The following GCKR variants were observed in gnomAD, a reference collection of about 807,000 sequenced individuals.
GCKR encodes the protein glucokinase regulator, also known as glucokinase regulatory protein.
Under a neutral mutation model 82.9 loss-of-function variants are expected in GCKR, and 73 were observed. That is an observed-to-expected ratio of 0.88 (90% confidence interval 0.73 to 1.07). The LOEUF (loss-of-function observed/expected upper bound fraction) is 1.07. Among genes scored for constraint, GCKR ranks in the 50% least tolerant of loss-of-function variants. The pLI is 0.00. For synonymous variants in GCKR, 294 were observed against 291.8 expected (o/e 1.01, Z -0.08); for missense variants, 784 against 782.1 (o/e 1.00, Z -0.03).
At chr2:27,519,994 G>A (rs1000491455) in intron 17 of GCKR, among the ~76,000 whole-genome samples, 9 of 151,856 alleles carry the variant, frequency 5.9e-5, no homozygotes, top group African/African-American at 1.9e-4. Context: ...AAATGGGGTC[G>A]CCAGATTCGG....
chr2:27,518,653 G>A, intron 16 of GCKR, 135 bp from the exon 17 acceptor site: 1 of 784,980 alleles, frequency 1.3e-6, no homozygotes, highest in Admixed American at 1.8e-5. Flanking sequence ...ACGCTGGGCT[G>A]CTCAAACAAA....
intron 11 of GCKR, 50 bp from the exon 12 acceptor site, chr2:27,506,738 G>A (rs745329323): frequency 6.5e-6 from 8 of 1,239,868 alleles, no homozygotes; most frequent in Middle Eastern, 1.9e-4. Context: ...GACATCTCTG[G>A]CCTCTTTGCA....
At chr2:27,509,255 C>G (rs773971629) in intron 16 of GCKR, among the ~76,000 whole-genome samples, 1 of 152,194 alleles carries the variant, frequency 6.6e-6, no homozygotes, top group South Asian at 2.1e-4. Context: ...AGCTGAAACA[C>G]TGACTTACCT....
In GCKR at chr2:27,510,072, G is replaced by A. The variant is rs946735348; in HGVS notation, c.1422+1821G>A. ...CACCCAGACTGGAGTGCAGTGGCGCGATCTCCGCTCACTGCAAGCTCTGTC... is the reference window on the plus strand; with the variant it reads ...CACCCAGACTGGAGTGCAGTGGCGCAATCTCCGCTCACTGCAAGCTCTGTC... On this transcript the variant is annotated intron_variant, in intron 16 of 18. Transcript: ENST00000264717. Among the ~76,000 whole-genome samples the A allele has an allele frequency of 2.0e-5, 3 of 151,190 alleles. No individual in the cohort carries two copies. The East Asian group carries it at 5.8e-4, about 29-fold the overall frequency.
Position 27,497,507 on chromosome 2 carries a change from C to T in GCKR, c.217-55C>T, listed in dbSNP as rs961983105. 23 of 1,556,384 alleles carry T rather than the reference C, an allele frequency of 1.5e-5. No individual in the cohort carries two copies. The Admixed American group carries it at 3.5e-4, about 24-fold the overall frequency. ...AATATCGGAAACCCTGAGACCCCCT[C>T]CCCCATTCATCGTCCTCCTTTTCTT... On this transcript the variant is annotated intron_variant, in intron 2 of 18. Transcript: ENST00000264717.
intron 12 of GCKR, 33 bp downstream of exon 12, chr2:27,506,918 C>G: frequency 7.4e-7 from 1 of 1,343,756 alleles, no homozygotes; most frequent in South Asian, 1.2e-5. Context: ...CTTCCTGCTT[C>G]CTCCTGATCC....
At position 27,507,721 on chromosome 2, in the gene GCKR, C is replaced by G. The variant is rs781586176; in HGVS notation, c.1184C>G (p.Ser395Cys). ...FTFSQEDFLT[S>C]ILPSLTEIDT... The stretch of plus-strand genomic sequence containing the variant: ...TTCTCCCAGGAGGACTTCCTGACTT[C>G]CATCCTTCCCTCTCTCACGGAAATC... The change falls in exon 14 of 19, where the codon TCC becomes TGC. Residue 395 changes from serine (S) to cysteine (C), a missense_variant. Transcript: ENST00000264717. The G allele has an allele frequency of 6.2e-6, 10 of 1,610,244 alleles. No individual in the cohort carries two copies. In the African/African-American group the frequency reaches 1.3e-4, roughly 22 times the overall value.
chr2:27,506,210 T>C (rs2148584423), intron 10 of GCKR, among the ~76,000 whole-genome samples: 1 of 152,290 alleles, frequency 6.6e-6, no homozygotes, highest in East Asian at 1.9e-4. Flanking sequence ...CCTAGGCTGC[T>C]CATGCCCCTT....
At chr2:27,522,017 C>G (rs921687508) in intron 17 of GCKR, among the ~76,000 whole-genome samples, 2 of 152,150 alleles carry the variant, frequency 1.3e-5, no homozygotes, top group African/African-American at 4.8e-5. Context: ...ACCCACTGTG[C>G]CCAGCCTTGC....
At chr2:27,522,431 T>C (rs1343560439) in intron 17 of GCKR, 29 bp from the exon 18 acceptor site, 1 of 1,613,052 alleles carries the variant, frequency 6.2e-7, no homozygotes, top group Non-Finnish European at 8.5e-7. Context: ...GCCTTTAGCC[T>C]GACACTGATC....
rs369893838 is a variant in GCKR, at chr2:27,508,212, G to C, written c.1383G>C (p.Trp461Cys). The change falls in exon 16 of 19, where the codon TGG becomes TGC. Residue 461 changes from tryptophan to cysteine, a missense_variant. Coordinates refer to ENST00000264717, the MANE Select transcript of GCKR (RefSeq NM_001486.4). Reference protein sequence around the residue: ...KLFPSIISITWPLLFFEYEGN... With the variant: ...KLFPSIISITCPLLFFEYEGN... ...TTCCCTCCATCATCAGCATCACATGGCCACTGCTTTTCTTTGAATATGAAG... is the reference window on the plus strand; with the variant it reads ...TTCCCTCCATCATCAGCATCACATGCCCACTGCTTTTCTTTGAATATGAAG... The C allele has an allele frequency of 6.2e-7, 1 of 1,612,332 alleles. No homozygotes were observed. Among genetic ancestry groups the C allele is most frequent in the Middle Eastern group, 1.7e-4 (1 of 6,058 alleles).
At chr2:27,513,435 C>A (rs935998078) in intron 16 of GCKR, among the ~76,000 whole-genome samples, 2 of 150,320 alleles carry the variant, frequency 1.3e-5, no homozygotes, top group Non-Finnish European at 2.9e-5. Flanking sequence ...GAGGCTGAGT[C>A]GGAGAATTGT....
At chr2:27,507,798 G>A (rs750055278) in intron 14 of GCKR, 21 bp downstream of exon 14, 3 of 1,390,444 alleles carry the variant, frequency 2.2e-6, no homozygotes, top group South Asian at 2.3e-5. Context: ...AGATGGGAGT[G>A]GTGAGGGGTG....
intron 17 of GCKR, among the ~76,000 whole-genome samples, chr2:27,520,881 A>C (rs990246295): frequency 6.6e-6 from 1 of 151,788 alleles, no homozygotes; most frequent in African/African-American, 2.4e-5. Flanking sequence ...ACTAAAAATA[A>C]AAAAAATAAA....
intron 12 of GCKR, 96 bp from the exon 13 acceptor site, chr2:27,507,139 C>T: frequency 1.1e-6 from 1 of 916,452 alleles, no homozygotes; most frequent in Non-Finnish European, 1.8e-6. Flanking sequence ...CCACTTGCCA[C>T]TTTTCCTCCC....
chr2:27,520,901 G>A lies in GCKR; in HGVS notation c.1573-1559G>A, dbSNP rs140501003. Among the ~76,000 whole-genome samples, 14 of 152,088 alleles carry A rather than the reference G, an allele frequency of 9.2e-5. No homozygotes were observed. In the South Asian group the frequency reaches 2.5e-3, roughly 27 times the overall value. On this transcript the variant is annotated intron_variant, in intron 17 of 18. Transcript: ENST00000264717. ...AAATAAAAAAAATAAAAAAATAGCC[G>A]GGCATGTTGGCACAGGCCTATAGTC... is the stretch of plus-strand genomic sequence containing the variant.
At chr2:27,510,794 G>T in intron 16 of GCKR, among the ~76,000 whole-genome samples, 1 of 150,592 alleles carries the variant, frequency 6.6e-6, no homozygotes, top group Non-Finnish European at 1.5e-5. Flanking sequence ...TTGTCTTTTG[G>T]GTCTATTTAC....
chr2:27,506,553 C>T lies in GCKR; in HGVS notation c.942C>T (p.Ala314=), dbSNP rs745331366. ...CCTACAGCCAAAGCCCCAAGATTGC[C>T]ACCCTGATGAAGAGTGTCAGCACCA... ...QVTYSQSPKI[A]TLMKSVSTSL... is the part of the protein sequence containing the mutation. Residue 314 remains alanine, a synonymous_variant, in exon 11 of 19, where the codon GCC becomes GCT. Transcript: ENST00000264717. 17 of 1,612,598 alleles carry T rather than the reference C, an allele frequency of 1.1e-5. No individual in the cohort carries two copies. The highest frequency in any genetic ancestry group is 1.4e-5 in the Non-Finnish European group (17 of 1,178,630).
intron 7 of GCKR, among the ~76,000 whole-genome samples, chr2:27,499,989 A>G (rs1437981090): frequency 2.0e-5 from 3 of 151,632 alleles, no homozygotes; most frequent in Non-Finnish European, 4.4e-5. Context: ...AACTCCTGAC[A>G]TCAGGTGCTC....
Sources: allele counts gnomAD v4.1 joint callset (sites outside exome capture counted in the v4.1 genomes callset), GRCh38; gene constraint gnomAD v4.1.1; transcripts MANE v1.5; gene names NCBI Gene and HGNC (gene_info 2026-07-23, HGNC 2026-07-21).